The following RAI1 variants were observed in gnomAD, a reference collection of about 807,000 sequenced individuals.
RAI1 encodes retinoic acid induced 1.
Under a neutral mutation model 123.8 loss-of-function variants are expected in RAI1, and 9 were observed. The observed-to-expected ratio is 0.07, with a 90% confidence interval of 0.04 to 0.13. The LOEUF (loss-of-function observed/expected upper bound fraction) is 0.13. Ranked by LOEUF, RAI1 falls within the 10% of genes least tolerant of loss-of-function variation. The pLI is 1.00. For missense variants in RAI1, 2,256 were observed against 2,545.8 expected (o/e 0.89, Z 2.45); for synonymous variants, 1,231 against 1,127.3 (o/e 1.09, Z -1.84).
chr17:17,793,676 C>A lies in RAI1; in HGVS notation c.728C>A (p.Thr243Asn). The A allele has an allele frequency of 6.2e-7, 1 of 1,613,156 alleles. No homozygotes were observed. Among genetic ancestry groups the A allele is most frequent in the Non-Finnish European group, 8.5e-7 (1 of 1,180,044 alleles). ...TCCTATAAGAGTTGCACAGCACCGA[C>A]TGCCCAGCCCCATGACAGGCCGCTG... ...AHSYKSCTAPTAQPHDRPLTA... is the reference protein window; with the variant it reads ...AHSYKSCTAPNAQPHDRPLTA... Residue 243 changes from threonine (T) to asparagine (N), a missense_variant, in exon 3 of 6, where the codon ACT becomes AAT. Transcript: ENST00000353383.
rs2142930893 is a variant in RAI1 at position 17,724,010 on chromosome 17, A to T, written c.-148-18A>T. On this transcript the variant is annotated intron_variant, in intron 1 of 5. Transcript: ENST00000353383. ...AGAGAAAGGATTCGTGCGAGCGCTC[A>T]CATTTGTTTCTCCCAAGGATCTCAT... The T allele has an allele frequency of 7.4e-6, 1 of 135,050 alleles. No homozygotes were observed. Among genetic ancestry groups the T allele is most frequent in the East Asian group, 2.2e-4 (1 of 4,616 alleles). 8.4% of individuals were successfully genotyped at this position (135,050 alleles called of 1,614,324 possible).
Position 17,792,146 on chromosome 17 carries a change from G to A in RAI1, c.-16-787G>A, listed in dbSNP as rs568341066. On this transcript the variant is annotated intron_variant, in intron 2 of 5. Transcript: ENST00000353383. ...TGGGCCACGTAATCTGTTTATGCACGTATGATATCAAAAACAGGAGGCAGG... is the reference window on the plus strand; with the variant it reads ...TGGGCCACGTAATCTGTTTATGCACATATGATATCAAAAACAGGAGGCAGG... 5.3e-5 allele frequency among the ~76,000 whole-genome samples: 8 copies of A among 152,288 alleles called. No homozygotes were observed. In the South Asian group the frequency reaches 1.0e-3, roughly 20 times the overall value.
At chr17:17,807,934 C>T (rs560083106) in intron 4 of RAI1, among the ~76,000 whole-genome samples, 2 of 152,212 alleles carry the variant, frequency 1.3e-5, no homozygotes, top group Non-Finnish European at 2.9e-5. Context: ...AAGGGCAGAT[C>T]GCCTCAGAGA....
chr17:17,803,905 G>A (rs1170193824), intron 4 of RAI1, 56 bp downstream of exon 4: 1 of 1,516,898 alleles, frequency 6.6e-7, no homozygotes, highest in Non-Finnish European at 9.2e-7. Flanking sequence ...CAGTCCAGGG[G>A]GACCCTCCCT....
At chr17:17,727,122 C>T (rs567656069) in intron 2 of RAI1, among the ~76,000 whole-genome samples, 120 of 152,302 alleles carry the variant, frequency 7.9e-4, no homozygotes, top group African/African-American at 2.6e-3. Flanking sequence ...CCGAAGGCTC[C>T]GACTGCCTGC....
In RAI1 at chr17:17,802,221, A is replaced by G. The variant is rs958863296; in HGVS notation, c.5566-1535A>G. The G allele has an allele frequency of 1.2e-4, 57 of 465,474 alleles. 1 individual carries two copies. Among genetic ancestry groups the G allele is most frequent in the South Asian group, 8.5e-4 (55 of 64,336 alleles). The allele number at this position is 465,474 out of a possible 1,614,324, so 28.8% of individuals were successfully genotyped here. ...AGAGGACAGTTTTGAGACTTAGAGG[A>G]GGACGGCATCAGATTTACATGAAGT... On this transcript the variant is annotated intron_variant, in intron 3 of 5. Transcript: ENST00000353383.
chr17:17,792,414 A>G (rs761354322), intron 2 of RAI1, among the ~76,000 whole-genome samples: 2 of 152,178 alleles, frequency 1.3e-5, no homozygotes, highest in Non-Finnish European at 2.9e-5. Flanking sequence ...AGTCCCCAGC[A>G]TGGCTGGGTC....
chr17:17,760,639 C>G (rs1040408852), intron 2 of RAI1, among the ~76,000 whole-genome samples: 1 of 152,246 alleles, frequency 6.6e-6, no homozygotes, highest in Non-Finnish European at 1.5e-5. Flanking sequence ...GAAGCTGGAG[C>G]TGCTGTGGGG....
Position 17,714,165 on chromosome 17 carries a change from G to A in RAI1, c.-148-9863G>A, listed in dbSNP as rs147369438. Among the ~76,000 whole-genome samples, 320 of 152,300 alleles carry A rather than the reference G, an allele frequency of 2.1e-3. 2 individuals are homozygous for A. Among genetic ancestry groups the A allele is most frequent in the Middle Eastern group, 0.01 (3 of 294 alleles). On this transcript the variant is annotated intron_variant, in intron 1 of 5. Transcript: ENST00000353383. This position sits in a 1 kb window ranked among gnomAD's most constrained non-coding sequence, Gnocchi z 4.9. ...CTAGCAAGCTCTTCCTTATATGGAG[G>A]TGAAATCTGTCTTCCTGTTGCTTCC...
intron 2 of RAI1, among the ~76,000 whole-genome samples, chr17:17,736,907 C>CT (rs1333058260): frequency 6.6e-6 from 1 of 152,060 alleles, no homozygotes; most frequent in African/African-American, 2.4e-5. Context: ...TAGGGCACTT[C>CT]TGAAGATGAG....
chr17:17,754,191 CTTTTTTTTTTTT>C (rs1158475382), intron 2 of RAI1, among the ~76,000 whole-genome samples: 25 of 75,730 alleles, frequency 3.3e-4, no homozygotes, highest in African/African-American at 1.1e-3. Context: ...CTAACCCAAT[CTTTTTTTTTTTT>C]TTTTTTTTTT....
Position 17,793,081 on chromosome 17 carries a change from C to T in RAI1, c.133C>T (p.Leu45=). ...QAGLSCDRQR[L]LAKDYYNPQP... ...CGGGCTAAGCTGCGACCGGCAGCGG[C>T]TGCTCGCCAAGGACTATTATAACCC... The change falls in exon 3 of 6, where the codon CTG becomes TTG. Residue 45 remains leucine, a synonymous_variant. Coordinates refer to ENST00000353383, the MANE Select transcript of RAI1 (RefSeq NM_030665.4). 6.2e-7 allele frequency: 1 copy of T among 1,613,964 alleles called. No individual in the cohort carries two copies. The highest frequency in any genetic ancestry group is 8.5e-7 in the Non-Finnish European group (1 of 1,179,928).
At chr17:17,758,174 C>T (rs1329842474) in intron 2 of RAI1, among the ~76,000 whole-genome samples, 1 of 152,220 alleles carries the variant, frequency 6.6e-6, no homozygotes, top group Non-Finnish European at 1.5e-5. Context: ...GGTGGTGGAG[C>T]TGCTGCTCCA....
At chr17:17,692,082 T>C (rs554115844) in intron 1 of RAI1, among the ~76,000 whole-genome samples, 1 of 152,338 alleles carries the variant, frequency 6.6e-6, no homozygotes, top group East Asian at 1.9e-4. Flanking sequence ...GCTCTCTTCT[T>C]GACTCCAGCA....
chr17:17,781,778 T>G (rs1043326035), intron 2 of RAI1, among the ~76,000 whole-genome samples: 6 of 152,190 alleles, frequency 3.9e-5, no homozygotes, highest in Non-Finnish European at 8.8e-5. Flanking sequence ...AATGGTGTGT[T>G]TGTTTAGAGC....
chr17:17,700,085 A>G (rs1243175123), intron 1 of RAI1, among the ~76,000 whole-genome samples: 2 of 152,260 alleles, frequency 1.3e-5, no homozygotes, highest in African/African-American at 2.4e-5. Context: ...CTTGGCTGCT[A>G]TCGTTGTTGA....
chr17:17,781,931 A>C (rs2031595976), intron 2 of RAI1, among the ~76,000 whole-genome samples: 1 of 152,114 alleles, frequency 6.6e-6, no homozygotes, highest in African/African-American at 2.4e-5. Context: ...GCCGAAAACC[A>C]ACGGAGGGCT....
intron 2 of RAI1, among the ~76,000 whole-genome samples, chr17:17,750,220 A>C (rs1050465942): frequency 6.6e-6 from 1 of 152,240 alleles, no homozygotes; most frequent in Non-Finnish European, 1.5e-5. Flanking sequence ...CGTGACTCCA[A>C]ATCTTCCCAT....
intron 1 of RAI1, among the ~76,000 whole-genome samples, chr17:17,703,731 C>T (rs564209417): frequency 6.6e-6 from 1 of 152,296 alleles, no homozygotes; most frequent in Admixed American, 6.5e-5. Context: ...GCCTCGATCT[C>T]CTGAGCTCAA....
Sources: gnomAD v4.1 joint callset for allele counts (sites outside exome capture counted in the v4.1 genomes callset) on GRCh38, gnomAD v4.1.1 for gene constraint, Gnocchi (gnomAD v3.1) non-coding constraint, MANE v1.5 for transcripts, NCBI Gene and HGNC (gene_info 2026-07-23, HGNC 2026-07-21) for gene names.